TGFB3: variants seen among roughly 807,000 people sequenced by gnomAD.
TGFB3 encodes the protein transforming growth factor beta-3 proprotein.
Under a neutral mutation model 40.1 loss-of-function variants are expected in TGFB3, and 5 were observed. That is an observed-to-expected ratio of 0.12 (90% CI 0.07 to 0.26). The LOEUF (loss-of-function observed/expected upper bound fraction) is 0.26, where lower values mean the gene tolerates loss of function less well. TGFB3 is among the 10% of genes least tolerant of loss of function. The pLI is 1.00. For missense variants in TGFB3, 373 were observed against 530.1 expected (o/e 0.70, Z 2.91); for synonymous variants, 184 against 205.6 (o/e 0.89, Z 0.90).
chr14:75,964,338 A>C (rs1340876756), intron 4 of TGFB3, among the ~76,000 whole-genome samples: 2 of 152,240 alleles, frequency 1.3e-5, no homozygotes, highest in African/African-American at 4.8e-5. Context: ...TATAATTGTT[A>C]ACATTCACAT....
At position 75,979,705 on chromosome 14, in the gene TGFB3, C is replaced by T. The variant is rs368563321; in HGVS notation, c.352+837G>A. The stretch of plus-strand genomic sequence containing the variant: ...CAGGCTCCCAGACATATCCCCCCCC[C>T]CCACCATGCACCCACTGCCACCCCT... On this transcript the variant is annotated intron_variant, in intron 1 of 6. Transcript: ENST00000238682. This position sits in a 1 kb window ranked among gnomAD's most constrained non-coding sequence, Gnocchi z 4.8. Among the ~76,000 whole-genome samples, 27 of 150,816 alleles carry T rather than the reference C, an allele frequency of 1.8e-4. No individual in the cohort carries two copies. The highest frequency in any genetic ancestry group is 5.6e-4 in the African/African-American group (23 of 40,992).
At chr14:75,973,879 C>T (rs1216347434) in intron 1 of TGFB3, among the ~76,000 whole-genome samples, 2 of 152,248 alleles carry the variant, frequency 1.3e-5, no homozygotes, top group Middle Eastern at 3.4e-3. Context: ...CGGTGGCTCA[C>T]GCCTGTAATC....
intron 4 of TGFB3, among the ~76,000 whole-genome samples, chr14:75,963,874 A>G (rs920059692): frequency 2.6e-5 from 4 of 151,478 alleles, no homozygotes; most frequent in Non-Finnish European, 4.4e-5. Context: ...CGGCTTGTTT[A>G]TTTGTTTGTT....
In TGFB3 at chr14:75,980,817, G is replaced by C. The variant is rs771543236; in HGVS notation, c.77C>G (p.Thr26Ser). The C allele has an allele frequency of 1.9e-6, 3 of 1,614,064 alleles. No homozygotes were observed. Among genetic ancestry groups the C allele is most frequent in the Non-Finnish European group, 2.5e-6 (3 of 1,180,042 alleles). Residue 26 changes from threonine (T) to serine (S), a missense_variant, in exon 1 of 7, where the codon ACT becomes AGT. By Grantham distance (58) the Thr-to-Ser change is moderately conservative. Transcript: ENST00000238682. This position sits in a 1 kb window ranked among gnomAD's most constrained non-coding sequence, Gnocchi z 4.3. ...NFATVSLSLS[T>S]CTTLDFGHIK... is the part of the protein sequence containing the mutation. ...GTGGCCGAAGTCCAAGGTGGTGCAA[G>C]TGGACAGAGAGAGGCTGACCGTGGC...
At chr14:75,982,597 T>C (rs983676175), upstream of TGFB3, among the ~76,000 whole-genome samples, 1 of 150,718 alleles carries the variant, frequency 6.6e-6, no homozygotes, top group Non-Finnish European at 1.5e-5. This position sits in a 1 kb window ranked among gnomAD's most constrained non-coding sequence, Gnocchi z 4.0. Context: ...TTCCGGAAGA[T>C]CGAGGGTGCC....
chr14:75,967,197 A>G (rs2035230895), intron 3 of TGFB3, among the ~76,000 whole-genome samples: 2 of 152,216 alleles, frequency 1.3e-5, no homozygotes, highest in African/African-American at 4.8e-5. Flanking sequence ...TCCCAGTCCT[A>G]CTGGTTAAAA....
intron 6 of TGFB3, 32 bp downstream of exon 6, chr14:75,960,889 CCA>C: frequency 6.2e-7 from 1 of 1,613,934 alleles, no homozygotes; most frequent in African/African-American, 1.3e-5. Context: ...TCGGTCAGCC[CCA>C]GTGCCTCAGA....
chr14:75,968,305 C>G (rs1416535314), intron 3 of TGFB3, among the ~76,000 whole-genome samples: 1 of 150,164 alleles, frequency 6.7e-6, no homozygotes, highest in African/African-American at 2.4e-5. Flanking sequence ...AAGTACAAAC[C>G]TGTGTGATGA....
At position 75,959,455 on chromosome 14, in the gene TGFB3, G is replaced by T. The variant is rs2035126951; in HGVS notation, c.1081-110C>A. ...CCAGAAGCTGAGCAAGTGCTAGAATGGCCACGGGTGCTCTTTAAGAGGAAC... is the reference window on the plus strand; with the variant it reads ...CCAGAAGCTGAGCAAGTGCTAGAATTGCCACGGGTGCTCTTTAAGAGGAAC... On this transcript the variant is annotated intron_variant, in intron 6 of 6. Coordinates refer to ENST00000238682, the MANE Select transcript of TGFB3 (RefSeq NM_003239.5). 19 of 1,305,616 alleles carry T rather than the reference G, an allele frequency of 1.5e-5. No homozygotes were observed. The East Asian group carries it at 4.6e-4, about 31-fold the overall frequency. The allele number at this position is 1,305,616 out of a possible 1,614,324, so 80.9% of individuals were successfully genotyped here.
rs923354906 is a variant in TGFB3, at chr14:75,980,188, C to T, written c.352+354G>A. Among the ~76,000 whole-genome samples, 4 of 152,174 alleles carry T rather than the reference C, an allele frequency of 2.6e-5. No homozygotes were observed. Among genetic ancestry groups the T allele is most frequent in the African/African-American group, 9.7e-5 (4 of 41,428 alleles). ...GAGCCGGCCTTCCCCTTTATGGCAC[C>T]CAGATGCTTACAGTTACTGATACGA... On this transcript the variant is annotated intron_variant, in intron 1 of 6. Coordinates refer to ENST00000238682, the MANE Select transcript of TGFB3 (RefSeq NM_003239.5). The surrounding 1 kb of genome is among the most constrained non-coding windows in gnomAD (Gnocchi z 4.3).
intron 6 of TGFB3, among the ~76,000 whole-genome samples, chr14:75,959,723 A>T (rs1056446160): frequency 6.6e-6 from 1 of 151,872 alleles, no homozygotes; most frequent in Admixed American, 6.6e-5. Flanking sequence ...GTAAGCAGAA[A>T]TAGTGCCACC....
chr14:75,968,889 C>T (rs1029733549), intron 3 of TGFB3, among the ~76,000 whole-genome samples: 1 of 152,058 alleles, frequency 6.6e-6, no homozygotes, highest in African/African-American at 2.4e-5. Context: ...AGGCAGGTCA[C>T]GTAAGTGAGA....
At chr14:75,974,917 C>G (rs2035335135) in intron 1 of TGFB3, among the ~76,000 whole-genome samples, 1 of 151,862 alleles carries the variant, frequency 6.6e-6, no homozygotes, top group African/African-American at 2.4e-5. Flanking sequence ...ATGGTGAAAC[C>G]CCATCTCTAT....
chr14:75,980,549 C>T lies in TGFB3; in HGVS notation c.345G>A (p.Ala115=), dbSNP rs1060504730. 3.7e-6 allele frequency: 6 copies of T among 1,614,216 alleles called. No homozygotes were observed. The highest frequency in any genetic ancestry group is 2.2e-5 in the East Asian group (1 of 44,876). Residue 115 remains alanine, a synonymous_variant, in exon 1 of 7, where the codon GCG becomes GCA. Transcript: ENST00000238682. This position sits in a 1 kb window ranked among gnomAD's most constrained non-coding sequence, Gnocchi z 4.3. ...GCGAGAATTTGGACTTACTGTGCTCCGCCAGCCCCTGGATCATGTCGAATT... is the reference window on the plus strand; with the variant it reads ...GCGAGAATTTGGACTTACTGTGCTCTGCCAGCCCCTGGATCATGTCGAATT... The part of the protein sequence containing the change: ...IHKFDMIQGL[A]EHNELAVCPK...
At position 75,959,026 on chromosome 14, in the gene TGFB3, G is replaced by T; in HGVS notation, c.*161C>A. ...CGTGATTCTCAGAGCCAGCAAGAAA[G>T]AAATGTTCCAAAAGGAAACCTCCAT... On this transcript the variant is annotated 3_prime_UTR_variant, in exon 7 of 7. Transcript: ENST00000238682. 2 of 855,458 alleles carry T rather than the reference G, an allele frequency of 2.3e-6. No homozygotes were observed. The highest frequency in any genetic ancestry group is 3.8e-6 in the Non-Finnish European group (2 of 521,072). The allele number at this position is 855,458 out of a possible 1,614,324, so 53.0% of individuals were successfully genotyped here. A position where few individuals can be genotyped will look rare whatever the true frequency, so the allele number is the denominator to read the frequency against.
rs369435862 is a variant in TGFB3, at chr14:75,963,486, G to T, written c.756C>A (p.Gly252=). ...IHEVMEIKFK[G]VDNEDDHGRG... is the part of the protein sequence containing the mutation. ...GGCCATGGTCATCCTCATTGTCCACGCCTGAAGAAGGGAAGGAAAGTGACA... is the reference window on the plus strand; with the variant it reads ...GGCCATGGTCATCCTCATTGTCCACTCCTGAAGAAGGGAAGGAAAGTGACA... The change falls in exon 5 of 7, where the codon GGC becomes GGA. Residue 252 remains glycine (G), a splice_region_variant and synonymous_variant. Transcript: ENST00000238682. 12 of 1,614,014 alleles carry T rather than the reference G, an allele frequency of 7.4e-6. No individual in the cohort carries two copies. The highest frequency in any genetic ancestry group is 2.2e-5 in the South Asian group (2 of 91,088).
chr14:75,966,476 C>G (rs1168882247), intron 3 of TGFB3: 1 of 152,920 alleles, frequency 6.5e-6, no homozygotes, highest in Non-Finnish European at 1.5e-5. Flanking sequence ...CTTTGGGAAT[C>G]CTTGTTCACC....
chr14:75,972,591 G>A (rs187853985), intron 1 of TGFB3, among the ~76,000 whole-genome samples: 1 of 152,184 alleles, frequency 6.6e-6, no homozygotes, highest in Non-Finnish European at 1.5e-5. Context: ...AGGATTTGAG[G>A]ATGGGGAGGA....
At chr14:75,977,362 T>C (rs975518147) in intron 1 of TGFB3, among the ~76,000 whole-genome samples, 2 of 152,042 alleles carry the variant, frequency 1.3e-5, no homozygotes, top group African/African-American at 4.8e-5. Context: ...TCAGAGAAAC[T>C]CTCTACTCCC....
Sources: allele counts gnomAD v4.1 joint callset (sites outside exome capture counted in the v4.1 genomes callset), GRCh38; gene constraint gnomAD v4.1.1; non-coding constraint Gnocchi (gnomAD v3.1); transcripts MANE v1.5; gene names NCBI Gene and HGNC (gene_info 2026-07-23, HGNC 2026-07-21).